NXPE2: variants seen among roughly 807,000 people sequenced by gnomAD.
The protein encoded by NXPE2 is NXPE family member 2.
In NXPE2, 34 loss-of-function variants were observed where a neutral mutation model predicts 34.4. The observed-to-expected ratio is 0.99, with a 90% CI of 0.75 to 1.31. NXPE2 has a LOEUF of 1.31. Ranked by LOEUF, NXPE2 falls within the 40% of genes most tolerant of loss-of-function variation. The probability of loss-of-function intolerance (pLI) is 0.00; values close to 1 mark genes in which losing one functional copy is unlikely to be tolerated. For missense variants in NXPE2, 649 were observed against 672.5 expected (o/e 0.97, Z 0.39); for synonymous variants, 235 against 231.3 (o/e 1.02, Z -0.15).
chr11:114,501,365 A>T, the NXPE2 span, among the ~76,000 whole-genome samples: 2 of 152,158 alleles, frequency 1.3e-5, no homozygotes, highest in Non-Finnish European at 2.9e-5. Context: ...CCCTCAGTGG[A>T]TTCAAAGCTT....
chr11:114,520,529 T>C, the NXPE2 span, among the ~76,000 whole-genome samples: 3 of 152,252 alleles, frequency 2.0e-5, no homozygotes, highest in South Asian at 4.1e-4. Flanking sequence ...TGGGCACTTA[T>C]GTTGTTTCTC....
chr11:114,601,064 C>G, the NXPE2 span, among the ~76,000 whole-genome samples: 1 of 151,844 alleles, frequency 6.6e-6, no homozygotes, highest in Admixed American at 6.6e-5. Context: ...CTATCAATGT[C>G]ACACTGTTGT....
At chr11:114,645,968 A>G in the NXPE2 span, among the ~76,000 whole-genome samples, 15 of 152,132 alleles carry the variant, frequency 9.9e-5, no homozygotes, top group African/African-American at 3.6e-4. Flanking sequence ...AAATATGTAT[A>G]TAGCCTTTGA....
chr11:114,808,305 C>G, the NXPE2 span, among the ~76,000 whole-genome samples: 2 of 151,792 alleles, frequency 1.3e-5, no homozygotes, highest in East Asian at 1.9e-4. Flanking sequence ...AGAGCAAACA[C>G]ATTCAAAAGC....
At chr11:114,468,194 A>T in the NXPE2 span, among the ~76,000 whole-genome samples, 1 of 151,882 alleles carries the variant, frequency 6.6e-6, no homozygotes, top group Non-Finnish European at 1.5e-5. Flanking sequence ...ATGAATTTGT[A>T]TTGGGCTGCA....
At chr11:114,514,456 C>T in the NXPE2 span, among the ~76,000 whole-genome samples, 1 of 152,052 alleles carries the variant, frequency 6.6e-6, no homozygotes, top group Non-Finnish European at 1.5e-5. Context: ...GTGACACAAT[C>T]ATGTCTCACT....
chr11:114,529,110 C>G, the NXPE2 span: 3 of 301,046 alleles, frequency 1.0e-5, no homozygotes, highest in Non-Finnish European at 1.8e-5. Context: ...AAAAAAGACT[C>G]TAAACTTGAC....
the NXPE2 span, among the ~76,000 whole-genome samples, chr11:114,585,681 G>T: frequency 6.6e-6 from 1 of 152,054 alleles, no homozygotes; most frequent in Non-Finnish European, 1.5e-5. Context: ...GAACTAGAAA[G>T]AAATTATTTA....
the NXPE2 span, among the ~76,000 whole-genome samples, chr11:114,657,763 T>C: frequency 6.6e-6 from 1 of 152,160 alleles, no homozygotes; most frequent in African/African-American, 2.4e-5. Flanking sequence ...TAAGAACCCC[T>C]GATTTAGCAC....
the NXPE2 span, among the ~76,000 whole-genome samples, chr11:114,663,441 G>A: frequency 2.0e-5 from 3 of 152,044 alleles, no homozygotes; most frequent in Non-Finnish European, 2.9e-5. Context: ...TAAAATGGGG[G>A]TTGTCTTAGA....
At chr11:114,674,283 G>GA (rs1033030269), upstream of NXPE2, among the ~76,000 whole-genome samples, 1 of 151,564 alleles carries the variant, frequency 6.6e-6, no homozygotes, top group African/African-American at 2.4e-5. Flanking sequence ...ATTTTCTCTT[G>GA]AAAAATCATT....
At chr11:114,811,638 C>T in the NXPE2 span, among the ~76,000 whole-genome samples, 1 of 152,186 alleles carries the variant, frequency 6.6e-6, no homozygotes, top group Non-Finnish European at 1.5e-5. Flanking sequence ...CCAGCCTCCA[C>T]ACTGGGGACT....
chr11:114,619,638 T>A, the NXPE2 span, among the ~76,000 whole-genome samples: 1 of 152,066 alleles, frequency 6.6e-6, no homozygotes, highest in Non-Finnish European at 1.5e-5. Flanking sequence ...GGGTAACCAC[T>A]GTTACCCTGT....
chr11:114,483,717 T>C, the NXPE2 span, among the ~76,000 whole-genome samples: 1 of 152,224 alleles, frequency 6.6e-6, no homozygotes, highest in Non-Finnish European at 1.5e-5. Flanking sequence ...ATCTTTCAGA[T>C]GACTCCCACA....
chr11:114,688,325 C>A (rs1019152274), intron 2 of NXPE2, among the ~76,000 whole-genome samples: 49 of 152,000 alleles, frequency 3.2e-4, no homozygotes, highest in African/African-American at 1.2e-3. Flanking sequence ...AATGCTTTTT[C>A]TGCATCTATT....
chr11:114,528,842 G>C, the NXPE2 span: 1 of 675,268 alleles, frequency 1.5e-6, no homozygotes, highest in Non-Finnish European at 2.7e-6. Context: ...CCTGAGAAGA[G>C]AAAGGATCAG....
the NXPE2 span, among the ~76,000 whole-genome samples, chr11:114,629,315 A>T: frequency 6.6e-6 from 1 of 152,112 alleles, no homozygotes; most frequent in Admixed American, 6.6e-5. Context: ...CAAAAAGCTT[A>T]TCCACCATGA....
At chr11:114,619,056 T>A in the NXPE2 span, among the ~76,000 whole-genome samples, 4 of 151,948 alleles carry the variant, frequency 2.6e-5, no homozygotes, top group Non-Finnish European at 5.9e-5. Flanking sequence ...GTAACCACTG[T>A]TACCTGGTGG....
At chr11:114,583,281 A>G in the NXPE2 span, 1 of 647,460 alleles carries the variant, frequency 1.5e-6, no homozygotes, top group Admixed American at 2.3e-5. Flanking sequence ...ACCAGGAGGA[A>G]AGTCTGTTAC....
Sources: gnomAD v4.1 joint callset for allele counts (sites outside exome capture counted in the v4.1 genomes callset) on GRCh38, gnomAD v4.1.1 for gene constraint, MANE v1.5 for transcripts, NCBI Gene and HGNC (gene_info 2026-07-23, HGNC 2026-07-21) for gene names.